Variants in FLG2 observed in about 807,000 individuals in gnomAD.
The protein encoded by FLG2 is filaggrin 2, also known as filaggrin-2.
FLG2 carries 7 observed loss-of-function variants against 3.9 expected under a neutral mutation model. The observed-to-expected ratio is 1.79, with a 90% CI of 1.02 to 3.36. FLG2 has a LOEUF of 3.36. Ranked by LOEUF, FLG2 falls within the 30% of genes most tolerant of loss-of-function variation. The pLI, the probability that FLG2 is intolerant of heterozygous loss-of-function variation, is 0.00. For missense variants in FLG2, 2,700 were observed against 2,809.4 expected (o/e 0.96, Z 0.88); for synonymous variants, 1,031 against 1,056.1 (o/e 0.98, Z 0.46).
Position 152,355,766 on chromosome 1 carries a change from C to T in FLG2, c.2020G>A (p.Gly674Ser). Residue 674 changes from glycine (G) to serine (S), a missense_variant, in exon 3 of 3, where the codon GGC becomes AGC. Gly to Ser is a moderately conservative substitution (Grantham distance 56, BLOSUM62 0). Transcript: ENST00000388718. ...QSSGFGQHVSGSGQSSGFGQH... is the reference protein window; with the variant it reads ...QSSGFGQHVSSSGQSSGFGQH... ...CCAAAACCAGAGGATTGTCCTGAGCCAGAAACATGTTGTCCAAAGCCAGAG... is the reference window on the plus strand; with the variant it reads ...CCAAAACCAGAGGATTGTCCTGAGCTAGAAACATGTTGTCCAAAGCCAGAG... 2 of 1,613,460 alleles carry T rather than the reference C, an allele frequency of 1.2e-6. No individual in the cohort carries two copies. The highest frequency in any genetic ancestry group is 2.2e-5 in the South Asian group (2 of 91,034).
chr1:152,358,181 C>T (rs1408089138), intron 2 of FLG2, among the ~76,000 whole-genome samples: 1 of 151,996 alleles, frequency 6.6e-6, no homozygotes, highest in Non-Finnish European at 1.5e-5. Flanking sequence ...GCAACCACGC[C>T]CGGCTAATTT....
Position 152,352,155 on chromosome 1 carries a change from T to C in FLG2, c.5631A>G (p.Arg1877=). The change falls in exon 3 of 3, where the codon AGA becomes AGG. Residue 1877 remains arginine, a synonymous_variant. Transcript: ENST00000388718. ...QSGSSTTGRR[R]SGHSESSDSE... is the part of the protein sequence containing the mutation. ...TGTCACTGGACTCACTGTGGCCAGA[T>C]CTCCTTCTTCCAGTTGTACTGGATC... 6.2e-7 allele frequency: 1 copy of C among 1,613,792 alleles called. No individual in the cohort carries two copies. Among genetic ancestry groups the C allele is most frequent in the Non-Finnish European group, 8.5e-7 (1 of 1,179,918 alleles).
chr1:152,352,579 C>T lies in FLG2; in HGVS notation c.5207G>A (p.Gly1736Glu). 1 of 1,611,892 alleles carries T rather than the reference C, an allele frequency of 6.2e-7. No individual in the cohort carries two copies. Residue 1736 changes from glycine (G) to glutamate (E), a missense_variant, in exon 3 of 3, where the codon GGG becomes GAG. Gly to Glu is a moderately conservative substitution (Grantham distance 98, BLOSUM62 -2). Coordinates refer to ENST00000388718, the MANE Select transcript of FLG2 (RefSeq NM_001014342.3). ...ATGTGTATGTGAGACTCCTGAGTAC[C>T]CTTCACTGTCACTGTACTCACTGTG... ...SGHSEYSDSEGYSGVSHTHSG... is the reference protein window; with the variant it reads ...SGHSEYSDSEEYSGVSHTHSG...
Position 152,355,955 on chromosome 1 carries a change from A to C in FLG2, c.1831T>G (p.Ser611Ala), listed in dbSNP as rs534794093. Residue 611 changes from serine to alanine, a missense_variant, in exon 3 of 3, where the codon TCT becomes GCT. Physicochemically the swap from Ser to Ala is moderately conservative, Grantham distance 99. Coordinates refer to ENST00000388718, the MANE Select transcript of FLG2 (RefSeq NM_001014342.3). ...GQSSGFGQHE[S>A]RSGQSSYGQH... is the part of the protein sequence containing the mutation. ...CCATAACTAGACTGACCTGATCTAG[A>C]CTCATGTTGTCCAAAGCCAGAGGAT... is the stretch of plus-strand genomic sequence containing the variant. 2 of 1,607,554 alleles carry C rather than the reference A, an allele frequency of 1.2e-6. No individual in the cohort carries two copies. The highest frequency in any genetic ancestry group is 1.7e-6 in the Non-Finnish European group (2 of 1,177,432).
chr1:152,359,965 C>G lies in FLG2; in HGVS notation c.-32G>C, dbSNP rs1480196317. 2 of 152,126 alleles carry G rather than the reference C, an allele frequency of 1.3e-5. No individual in the cohort carries two copies. Among genetic ancestry groups the G allele is most frequent in the Non-Finnish European group, 2.9e-5 (2 of 68,046 alleles). 9.4% of individuals were successfully genotyped at this position (152,126 alleles called of 1,614,324 possible). ...ATGAATTTTCTCTCACCTGGTTCAC[C>G]AAAGGAACAAGTAGGATAAAGCCTG... On this transcript the variant is annotated 5_prime_UTR_variant, in exon 1 of 3. Coordinates refer to ENST00000388718, the MANE Select transcript of FLG2 (RefSeq NM_001014342.3).
In FLG2 at chr1:152,355,087, T is replaced by C. The variant is rs765539689; in HGVS notation, c.2699A>G (p.His900Arg). 2 of 1,552,654 alleles carry C rather than the reference T, an allele frequency of 1.3e-6. 1 individual carries two copies. The highest frequency in any genetic ancestry group is 1.7e-6 in the Non-Finnish European group (2 of 1,152,092). ...GSGQSSGFGQ[H>R]GTGSGQYSGF... ...AGAGTATTGTCCTGAGCCAGTCCCA[T>C]GTTGTCCAAAGCCACTGGACTGACC... Residue 900 changes from histidine to arginine, a missense_variant, in exon 3 of 3, where the codon CAT becomes CGT. Transcript: ENST00000388718.
chr1:152,357,608 T>C lies in FLG2; in HGVS notation c.178A>G (p.Met60Val), dbSNP rs759752979. 2.6e-5 allele frequency: 42 copies of C among 1,613,866 alleles called. No individual in the cohort carries two copies. The highest frequency in any genetic ancestry group is 3.4e-5 in the Non-Finnish European group (40 of 1,179,934). Residue 60 changes from methionine to valine, a missense_variant, in exon 3 of 3, where the codon ATG becomes GTG. Coordinates refer to ENST00000388718, the MANE Select transcript of FLG2 (RefSeq NM_001014342.3). ...CTTCTGTCATGATCTCGATCCAGCA[T>C]ATGCATGATGACATCCACTGTGTCT... Reference protein sequence around the residue: ...DPDTVDVIMHMLDRDHDRRLD... With the variant: ...DPDTVDVIMHVLDRDHDRRLD...
chr1:152,357,716 A>T, intron 2 of FLG2, 69 bp from the exon 3 acceptor site: 1 of 1,107,200 alleles, frequency 9.0e-7, no homozygotes, highest in Non-Finnish European at 1.3e-6. Context: ...ACACATTTAA[A>T]TAGCGCTGTG....
Position 152,349,267 on chromosome 1 carries a change from C to T in FLG2, c.*1343G>A, listed in dbSNP as rs1172452725. ...GTTCAACCAATTCTCCTGCCTCAGC[C>T]TCCTGAGTAGCTAGGATTACAGGTG... On this transcript the variant is annotated 3_prime_UTR_variant, in exon 3 of 3. Transcript: ENST00000388718. The T allele has an allele frequency of 6.6e-6, 1 of 152,210 alleles. No individual in the cohort carries two copies. Among genetic ancestry groups the T allele is most frequent in the African/African-American group, 2.4e-5 (1 of 41,412 alleles). The allele number at this position is 152,210 out of a possible 1,614,324, so 9.4% of individuals were successfully genotyped here.
At position 152,356,351 on chromosome 1, in the gene FLG2, AG is replaced by A. The variant is rs1275256609; in HGVS notation, c.1434del (p.Phe479LeufsTer246). Reference sequence around the variant, plus strand: ...CCTGAGCCAGACCCATGTTGTCCAAAGCCAGATGTCTTACCTGAGCTAGACC... The same window carrying A: ...CCTGAGCCAGACCCATGTTGTCCAAACCAGATGTCTTACCTGAGCTAGACC... ...QHGSSSGKTSGFGQHGSGSGQ... is the reference protein window; with the variant it reads ...QHGSSSGKTSXFGQHGSGSGQ... On this transcript the variant is annotated frameshift_variant, in exon 3 of 3. Transcript: ENST00000388718. LOFTEE classifies it low-confidence loss of function (END_TRUNC). 1 of 1,614,222 alleles carries A rather than the reference AG, an allele frequency of 6.2e-7. No individual in the cohort carries two copies. Among genetic ancestry groups the A allele is most frequent in the Non-Finnish European group, 8.5e-7 (1 of 1,180,050 alleles).
Position 152,354,571 on chromosome 1 carries a change from C to A in FLG2, c.3215G>T (p.Arg1072Leu). 1 of 1,611,454 alleles carries A rather than the reference C, an allele frequency of 6.2e-7. No homozygotes were observed. The highest frequency in any genetic ancestry group is 8.5e-7 in the Non-Finnish European group (1 of 1,179,032). ...ACCATGTTGGCCATAGCTAGACTGA[C>A]GTGATCTAGACTCATATTGTCCAAA... ...SGFGQYESRS[R>L]QSSYGQHGSG... The change falls in exon 3 of 3, where the codon CGT (arginine) becomes CTT (leucine). Residue 1072 changes from arginine (R) to leucine (L), a missense_variant. Transcript: ENST00000388718.
In FLG2 at chr1:152,355,475, C is replaced by T. The variant is rs776225776; in HGVS notation, c.2311G>A (p.Gly771Ser). The T allele has an allele frequency of 9.3e-6, 15 of 1,612,326 alleles. No individual in the cohort carries two copies. The highest frequency in any genetic ancestry group is 1.2e-5 in the Non-Finnish European group (14 of 1,179,698). The change falls in exon 3 of 3, where the codon GGC (glycine) becomes AGC (serine). Residue 771 changes from glycine to serine, a missense_variant. Transcript: ENST00000388718. The stretch of plus-strand genomic sequence containing the variant: ...TGACTTGAGCCAGAACTGTGTTGGC[C>T]ATAGCTAGACTGACCTGATCTAGAC... ...HESRSGQSSY[G>S]QHSSGSSQSS...
Position 152,350,144 on chromosome 1 carries a change from C to G in FLG2, c.*466G>C. On this transcript the variant is annotated 3_prime_UTR_variant, in exon 3 of 3. Coordinates refer to ENST00000388718, the MANE Select transcript of FLG2 (RefSeq NM_001014342.3). Reference sequence around the variant, plus strand: ...CTTACCTGCCCATGAAAAGTTGTATCTCCGAAATGTTGCTGGCTAGATCCA... The same window carrying G: ...CTTACCTGCCCATGAAAAGTTGTATGTCCGAAATGTTGCTGGCTAGATCCA... 1 of 168,630 alleles carries G rather than the reference C, an allele frequency of 5.9e-6. No individual in the cohort carries two copies. Among genetic ancestry groups the G allele is most frequent in the South Asian group, 1.4e-4 (1 of 7,030 alleles). The allele number at this position is 168,630 out of a possible 1,614,324, so 10.4% of individuals were successfully genotyped here.
rs868800632 is a variant in FLG2 at position 152,354,101 on chromosome 1, C to A, written c.3685G>T (p.Gly1229Ter). 1.2e-6 allele frequency: 2 copies of A among 1,614,258 alleles called. No homozygotes were observed. The highest frequency in any genetic ancestry group is 1.7e-6 in the Non-Finnish European group (2 of 1,180,038). Residue 1229 changes from glycine to a stop codon, truncating the protein, a stop_gained, in exon 3 of 3, where the codon GGA (glycine) becomes TGA (stop). Coordinates refer to ENST00000388718, the MANE Select transcript of FLG2 (RefSeq NM_001014342.3). LOFTEE classifies it low-confidence loss of function (END_TRUNC). ...GQGESQQVES[G>*]STVHGRQETT... ...TCCTGTCTCCCATGAACTGTGGATC[C>A]TGACTCTACTTGTTGAGATTCACCC... is the stretch of plus-strand genomic sequence containing the variant.
chr1:152,358,658 G>A, intron 2 of FLG2, 89 bp downstream of exon 2: 1 of 1,330,058 alleles, frequency 7.5e-7, no homozygotes, highest in Non-Finnish European at 1.0e-6. Context: ...AGAGTTCACT[G>A]GGGCTGTGCA....
chr1:152,356,221 C>T lies in FLG2; in HGVS notation c.1565G>A (p.Gly522Glu). 1 of 1,611,518 alleles carries T rather than the reference C, an allele frequency of 6.2e-7. No individual in the cohort carries two copies. Among genetic ancestry groups the T allele is most frequent in the Middle Eastern group, 1.7e-4 (1 of 6,040 alleles). The change falls in exon 3 of 3, where the codon GGG (glycine) becomes GAG (glutamate). Residue 522 changes from glycine to glutamate, a missense_variant. By Grantham distance (98) the Gly-to-Glu change is moderately conservative. Coordinates refer to ENST00000388718, the MANE Select transcript of FLG2 (RefSeq NM_001014342.3). ...ACCAGAGGATTGTCCTGAGACAGACCCATGCTGTCCAAAACCAGAGGATTG... is the reference window on the plus strand; with the variant it reads ...ACCAGAGGATTGTCCTGAGACAGACTCATGCTGTCCAAAACCAGAGGATTG... ...SGQSSGFGQH[G>E]SVSGQSSGFG...
chr1:152,352,507 T>C lies in FLG2; in HGVS notation c.5279A>G (p.Glu1760Gly), dbSNP rs199714174. Residue 1760 changes from glutamate (E) to glycine (G), a missense_variant, in exon 3 of 3, where the codon GAA (glutamate) becomes GGA (glycine). Transcript: ENST00000388718. ...GQARSQHGES[E>G]SIVHERHGTI... Reference sequence around the variant, plus strand: ...TCCATGTCTCTCATGAACTATGGATTCTGACTCTCCATGTTGAGATCTGGC... The same window carrying C: ...TCCATGTCTCTCATGAACTATGGATCCTGACTCTCCATGTTGAGATCTGGC... 2 of 1,613,686 alleles carry C rather than the reference T, an allele frequency of 1.2e-6. No individual in the cohort carries two copies. Among genetic ancestry groups the C allele is most frequent in the African/African-American group, 2.7e-5 (2 of 74,836 alleles).
chr1:152,358,629 C>A, intron 2 of FLG2, 118 bp downstream of exon 2: 1 of 914,014 alleles, frequency 1.1e-6, no homozygotes, highest in Non-Finnish European at 1.6e-6. Context: ...CCCCAAAATA[C>A]CACTCATAGA....
Position 152,355,220 on chromosome 1 carries a change from A to G in FLG2, c.2566T>C (p.Ser856Pro). The G allele has an allele frequency of 6.2e-7, 1 of 1,610,390 alleles. No homozygotes were observed. Among genetic ancestry groups the G allele is most frequent in the Non-Finnish European group, 8.5e-7 (1 of 1,179,056 alleles). The stretch of plus-strand genomic sequence containing the variant: ...CTTGACCCATGTTGACCATAGCCAG[A>G]TGATTGACTTGAGCCAGAACCATGT... ...GQHGSGSSQS[S>P]GYGQHGSSSG... The change falls in exon 3 of 3, where the codon TCT (serine) becomes CCT (proline). Residue 856 changes from serine (S) to proline (P), a missense_variant. Ser to Pro is a moderately conservative substitution (Grantham distance 74). Transcript: ENST00000388718.
Sources: gnomAD v4.1 joint callset for allele counts (sites outside exome capture counted in the v4.1 genomes callset) on GRCh38, gnomAD v4.1.1 for gene constraint, MANE v1.5 for transcripts, NCBI Gene and HGNC (gene_info 2026-07-23, HGNC 2026-07-21) for gene names.